GMDS: variants seen among roughly 807,000 people sequenced by gnomAD.
The protein encoded by GMDS is GDP-mannose 4,6 dehydratase.
Under a neutral mutation model 49.9 loss-of-function variants are expected in GMDS, and 20 were observed. The observed-to-expected ratio is 0.40, with a 90% CI of 0.28 to 0.58. GMDS has a LOEUF of 0.58. Among genes scored for constraint, GMDS ranks in the 20% least tolerant of loss-of-function variants. The pLI is 0.42. For missense variants in GMDS, 362 were observed against 481.4 expected (o/e 0.75, Z 2.32); for synonymous variants, 177 against 178.6 (o/e 0.99, Z 0.07).
intron 1 of GMDS, among the ~76,000 whole-genome samples, chr6:2,224,060 A>C (rs1460099463): frequency 6.6e-6 from 1 of 152,262 alleles, no homozygotes; most frequent in African/African-American, 2.4e-5. Flanking sequence ...CAACAAAGCA[A>C]GTAAGACAAG....
intron 4 of GMDS, among the ~76,000 whole-genome samples, chr6:2,080,755 C>T (rs1238115764): frequency 1.3e-5 from 2 of 152,248 alleles, no homozygotes; most frequent in African/African-American, 2.4e-5. Context: ...TACACTGGCA[C>T]TGGTGTTACA....
rs538609088 is a variant in GMDS at position 2,066,173 on chromosome 6, T to C, written c.345+49598A>G. ...AATTTCATATCCAGCCAAACTAAGC[T>C]TCATAAGTGAAGGAGAAATAAAATA... On this transcript the variant is annotated intron_variant, in intron 4 of 10. Transcript: ENST00000380815. 1.7e-4 allele frequency among the ~76,000 whole-genome samples: 25 copies of C among 150,590 alleles called. No homozygotes were observed. In the South Asian group the frequency reaches 5.3e-3, roughly 32 times the overall value.
At chr6:1,858,931 G>A (rs1425013395) in intron 7 of GMDS, among the ~76,000 whole-genome samples, 1 of 151,148 alleles carries the variant, frequency 6.6e-6, no homozygotes, top group Non-Finnish European at 1.5e-5. Context: ...CATTAAAGGA[G>A]AAATGGCCGT....
chr6:1,682,861 G>A lies in GMDS; in HGVS notation c.987+43555C>T, dbSNP rs1418177468. Among the ~76,000 whole-genome samples the A allele has an allele frequency of 3.2e-3, 8 of 2,508 alleles. 4 individuals carry two copies. The highest frequency in any genetic ancestry group is 9.4e-3 in the Admixed American group (8 of 848). 1.6% of individuals were successfully genotyped at this position (2,508 alleles called of 152,430 possible). On this transcript the variant is annotated intron_variant, in intron 9 of 10. Transcript: ENST00000380815. Reference sequence around the variant, plus strand: ...TGGGATTACAGGCGTGAGCCACCGCGCCCGGCCTCATTTTTTTAGAAAGGG... The same window carrying A: ...TGGGATTACAGGCGTGAGCCACCGCACCCGGCCTCATTTTTTTAGAAAGGG...
At chr6:1,804,936 G>A (rs1261002957) in intron 7 of GMDS, among the ~76,000 whole-genome samples, 1 of 152,110 alleles carries the variant, frequency 6.6e-6, no homozygotes, top group Non-Finnish European at 1.5e-5. Flanking sequence ...GCCTTCGTTC[G>A]AGGAAAAACC....
At chr6:1,938,305 C>G (rs554773638) in intron 6 of GMDS, among the ~76,000 whole-genome samples, 1 of 152,290 alleles carries the variant, frequency 6.6e-6, no homozygotes, top group African/African-American at 2.4e-5. Flanking sequence ...CCTGTGTCTA[C>G]CAATTTCCTT....
chr6:1,830,837 A>T (rs1751704913), intron 7 of GMDS, among the ~76,000 whole-genome samples: 1 of 152,232 alleles, frequency 6.6e-6, no homozygotes, highest in Non-Finnish European at 1.5e-5. Flanking sequence ...TAAGAAATAT[A>T]TATAACTCTT....
intron 4 of GMDS, among the ~76,000 whole-genome samples, chr6:2,035,673 T>C (rs995532524): frequency 3.3e-5 from 5 of 151,876 alleles, no homozygotes; most frequent in African/African-American, 4.8e-5. Context: ...GAGTAACTTA[T>C]TTATTTATAT....
intron 9 of GMDS, among the ~76,000 whole-genome samples, chr6:1,638,344 T>G (rs893371430): frequency 6.6e-6 from 1 of 152,206 alleles, no homozygotes; most frequent in Non-Finnish European, 1.5e-5. Flanking sequence ...GAGGGAACCC[T>G]GGCTGAAGAA....
At chr6:1,671,276 G>A (rs932489271) in intron 9 of GMDS, among the ~76,000 whole-genome samples, 1 of 152,166 alleles carries the variant, frequency 6.6e-6, no homozygotes, top group African/African-American at 2.4e-5. Context: ...ACACATTCAT[G>A]TTGGTGCATG....
At chr6:1,926,055 C>T (rs114745530) in intron 7 of GMDS, among the ~76,000 whole-genome samples, 197 of 152,254 alleles carry the variant, frequency 1.3e-3, no homozygotes, top group African/African-American at 4.5e-3. Flanking sequence ...CTGAGAGACC[C>T]GACTCCAGGG....
Position 2,126,912 on chromosome 6 carries a change from G to A in GMDS, c.103-2181C>T, listed in dbSNP as rs967498382. ...GCCTCCCAAAGGCTGAGATTCAGGC[G>A]TTAGCCACCATGCCAGGGCTAAAAT... On this transcript the variant is annotated intron_variant, in intron 1 of 10. Coordinates refer to ENST00000380815, the MANE Select transcript of GMDS (RefSeq NM_001500.4). Among the ~76,000 whole-genome samples the A allele has an allele frequency of 5.3e-5, 8 of 152,198 alleles. No homozygotes were observed. The East Asian group carries it at 5.8e-4, about 11-fold the overall frequency.
chr6:1,823,166 T>C (rs145260293), intron 7 of GMDS, among the ~76,000 whole-genome samples: 10 of 152,314 alleles, frequency 6.6e-5, no homozygotes, highest in Non-Finnish European at 1.0e-4. Context: ...TTGTACAACA[T>C]ACATAAAATT....
intron 4 of GMDS, among the ~76,000 whole-genome samples, chr6:1,972,331 A>G (rs1764667627): frequency 6.7e-6 from 1 of 150,094 alleles, no homozygotes; most frequent in African/African-American, 2.5e-5. Flanking sequence ...GAAATTAGCC[A>G]TATTAGATGC....
In GMDS at chr6:2,116,360, C is replaced by T. The variant is rs182851747; in HGVS notation, c.236-480G>A. 9.2e-5 allele frequency among the ~76,000 whole-genome samples: 14 copies of T among 152,176 alleles called. No homozygotes were observed. The East Asian group carries it at 9.7e-4, about 10-fold the overall frequency. On this transcript the variant is annotated intron_variant, in intron 3 of 10. Transcript: ENST00000380815. The stretch of plus-strand genomic sequence containing the variant: ...CAACCTTAGGCCCTGACTGAATGCC[C>T]GATGTGGTGACATAATTGATTGAAG...
chr6:1,862,581 A>G (rs571547632), intron 7 of GMDS, among the ~76,000 whole-genome samples: 32 of 152,372 alleles, frequency 2.1e-4, no homozygotes, highest in South Asian at 2.1e-3. Context: ...TTCTGTGATT[A>G]ATATATTTCC....
intron 4 of GMDS, among the ~76,000 whole-genome samples, chr6:2,005,413 CA>C (rs2127387305): frequency 6.6e-6 from 1 of 152,250 alleles, no homozygotes; most frequent in East Asian, 1.9e-4. Context: ...CAGGGGAAAG[CA>C]GAGACAAATT....
chr6:1,938,978 CCCT>C (rs1762680842), intron 6 of GMDS, among the ~76,000 whole-genome samples: 2 of 142,130 alleles, frequency 1.4e-5, no homozygotes, highest in East Asian at 4.2e-4. Flanking sequence ...CCCTCCCCTC[CCCT>C]CCTCTCTCCT....
chr6:1,870,309 T>A (rs940249882), intron 7 of GMDS, among the ~76,000 whole-genome samples: 1 of 152,148 alleles, frequency 6.6e-6, no homozygotes, highest in Non-Finnish European at 1.5e-5. Flanking sequence ...AGGAGATCCA[T>A]TCTATGAGCT....
Sources: allele counts gnomAD v4.1 joint callset (sites outside exome capture counted in the v4.1 genomes callset), GRCh38; gene constraint gnomAD v4.1.1; transcripts MANE v1.5; gene names NCBI Gene and HGNC (gene_info 2026-07-23, HGNC 2026-07-21).